Variants in XYLT1 observed in about 807,000 individuals in gnomAD.
XYLT1 encodes the protein xylosyltransferase 1.
Under a neutral mutation model 91.3 loss-of-function variants are expected in XYLT1, and 36 were observed. The observed-to-expected ratio is 0.39, with a 90% CI of 0.30 to 0.52. The LOEUF (loss-of-function observed/expected upper bound fraction) is 0.52, where lower values mean the gene tolerates loss of function less well. XYLT1 is among the 20% of genes least tolerant of loss of function. The probability of loss-of-function intolerance (pLI) is 0.68; values close to 1 mark genes in which losing one functional copy is unlikely to be tolerated. For synonymous variants in XYLT1, 588 were observed against 532.0 expected (o/e 1.11, Z -1.45); for missense variants, 1,242 against 1,284.5 (o/e 0.97, Z 0.51).
At chr16:17,390,143 C>G (rs528514211) in intron 1 of XYLT1, among the ~76,000 whole-genome samples, 2 of 152,096 alleles carry the variant, frequency 1.3e-5, no homozygotes, top group African/African-American at 2.4e-5. Flanking sequence ...GTTCTTAATC[C>G]GAACATCATT....
chr16:17,259,590 G>C, intron 2 of XYLT1, 92 bp from the exon 3 acceptor site: 1 of 1,456,582 alleles, frequency 6.9e-7, no homozygotes, highest in Non-Finnish European at 9.2e-7. Flanking sequence ...TACGGACTTG[G>C]AAGCCGGGGC....
intron 1 of XYLT1, among the ~76,000 whole-genome samples, chr16:17,408,184 C>G (rs1186036437): frequency 2.0e-5 from 3 of 152,208 alleles, no homozygotes; most frequent in Non-Finnish European, 1.5e-5. Flanking sequence ...CCTCAATCAC[C>G]TGCCCTGGAA....
chr16:17,462,192 T>C (rs2036832843), intron 1 of XYLT1, among the ~76,000 whole-genome samples: 1 of 152,238 alleles, frequency 6.6e-6, no homozygotes, highest in Admixed American at 6.5e-5. Flanking sequence ...GATGTCCAGA[T>C]AAGCAGTAGT....
At chr16:17,244,961 A>G (rs1320005647) in intron 3 of XYLT1, among the ~76,000 whole-genome samples, 2 of 152,202 alleles carry the variant, frequency 1.3e-5, no homozygotes, top group African/African-American at 4.8e-5. Context: ...TACTATTAAT[A>G]TATTTTTTAC....
At chr16:17,169,181 T>C (rs1020933539) in intron 5 of XYLT1, among the ~76,000 whole-genome samples, 2 of 152,122 alleles carry the variant, frequency 1.3e-5, no homozygotes, top group Non-Finnish European at 2.9e-5. Context: ...GTCCCTGTGA[T>C]ATGAAGTGAG....
chr16:17,161,238 C>T (rs916014611), intron 5 of XYLT1, among the ~76,000 whole-genome samples: 2 of 152,150 alleles, frequency 1.3e-5, no homozygotes, highest in Non-Finnish European at 1.5e-5. Flanking sequence ...AGGCATTTAG[C>T]GAATTTACTT....
At chr16:17,317,924 G>A (rs2034660744) in intron 2 of XYLT1, among the ~76,000 whole-genome samples, 1 of 152,114 alleles carries the variant, frequency 6.6e-6, no homozygotes, top group South Asian at 2.1e-4. Context: ...CTGCATCCTT[G>A]AATATCTGTC....
chr16:17,132,093 A>G (rs1338319758), intron 9 of XYLT1, among the ~76,000 whole-genome samples: 1 of 152,170 alleles, frequency 6.6e-6, no homozygotes. Flanking sequence ...AAGATCATTT[A>G]CCTTATACAT....
At chr16:17,127,932 A>G in intron 9 of XYLT1, 71 bp from the exon 10 acceptor site, 1 of 1,478,272 alleles carries the variant, frequency 6.8e-7, no homozygotes, top group Non-Finnish European at 9.2e-7. Context: ...CCACCCACCA[A>G]GCTAGTTTTG....
intron 2 of XYLT1, among the ~76,000 whole-genome samples, chr16:17,343,186 C>T (rs568503261): frequency 2.0e-5 from 3 of 152,284 alleles, no homozygotes; most frequent in East Asian, 1.9e-4. Context: ...CATGTTACAA[C>T]GTCAGCCCCT....
chr16:17,425,011 A>T (rs1000852497), intron 1 of XYLT1, among the ~76,000 whole-genome samples: 5 of 152,136 alleles, frequency 3.3e-5, no homozygotes, highest in Non-Finnish European at 4.4e-5. Context: ...CTGTGGCATC[A>T]GCCTCCACCC....
chr16:17,399,159 C>T (rs1408335834), intron 1 of XYLT1, among the ~76,000 whole-genome samples: 1 of 152,172 alleles, frequency 6.6e-6, no homozygotes, highest in African/African-American at 2.4e-5. Context: ...ATCGGGACTT[C>T]AACATATGAA....
chr16:17,289,071 C>T (rs1219184022), intron 2 of XYLT1, among the ~76,000 whole-genome samples: 1 of 152,114 alleles, frequency 6.6e-6, no homozygotes, highest in Non-Finnish European at 1.5e-5. Context: ...ATGATCTATA[C>T]CTAGGGTCAA....
chr16:17,346,390 A>G (rs2141851760), intron 2 of XYLT1, among the ~76,000 whole-genome samples: 1 of 152,272 alleles, frequency 6.6e-6, no homozygotes, highest in East Asian at 1.9e-4. Flanking sequence ...GAATGAACGC[A>G]GCAGGCCAGG....
At chr16:17,138,629 GAACTGGTTGTTTAAAA>G (rs2141516082) in intron 7 of XYLT1, 98 bp from the exon 8 acceptor site, 2 of 1,418,782 alleles carry the variant, frequency 1.4e-6, no homozygotes, top group East Asian at 4.7e-5. Flanking sequence ...GTTCATGTAA[GAACTGGTTGTTTAAAA>G]GAATGTGGCA....
At chr16:17,233,915 G>A (rs570464339) in intron 3 of XYLT1, among the ~76,000 whole-genome samples, 18 of 152,190 alleles carry the variant, frequency 1.2e-4, no homozygotes, top group African/African-American at 4.3e-4. Context: ...TTGGGGGTGC[G>A]GCAGACTTGG....
chr16:17,409,570 G>A (rs1405245163), intron 1 of XYLT1, among the ~76,000 whole-genome samples: 1 of 97,966 alleles, frequency 1.0e-5, no homozygotes, highest in Admixed American at 1.3e-4. Flanking sequence ...TTTTTTTTTA[G>A]ATGGAGTCTC....
intron 6 of XYLT1, among the ~76,000 whole-genome samples, chr16:17,145,934 A>G (rs1053634467): frequency 6.6e-6 from 1 of 152,158 alleles, no homozygotes; most frequent in Admixed American, 6.5e-5. Context: ...GGTAGCCTTT[A>G]TTCTCACTAC....
intron 2 of XYLT1, among the ~76,000 whole-genome samples, chr16:17,331,550 G>A (rs905635063): frequency 6.6e-6 from 1 of 152,208 alleles, no homozygotes; most frequent in African/African-American, 2.4e-5. Context: ...CGGTTGTACT[G>A]CTGTTGTTTA....
Sources: allele counts gnomAD v4.1 joint callset (sites outside exome capture counted in the v4.1 genomes callset), GRCh38; gene constraint gnomAD v4.1.1; transcripts MANE v1.5; gene names NCBI Gene and HGNC (gene_info 2026-07-23, HGNC 2026-07-21).